IFT122: variants seen among roughly 807,000 people sequenced by gnomAD.
The protein encoded by IFT122 is intraflagellar transport protein 122 homolog.
Under a neutral mutation model 161.6 loss-of-function variants are expected in IFT122, and 118 were observed. The observed-to-expected ratio is 0.73, with a 90% confidence interval of 0.63 to 0.85. IFT122 has a LOEUF of 0.85. Ranked by LOEUF, IFT122 falls within the 40% of genes least tolerant of loss-of-function variation. IFT122 has a pLI of 0.00. For missense variants in IFT122, 1,381 were observed against 1,579.6 expected, an observed-to-expected ratio of 0.87 and a Z score of 2.13; for synonymous variants, 550 against 602.4, an observed-to-expected ratio of 0.91 and a Z score of 1.27.
chr3:129,458,598 G>A lies in IFT122; in HGVS notation c.194-1G>A. The A allele has an allele frequency of 6.2e-7, 1 of 1,613,554 alleles. No homozygotes were observed. The highest frequency in any genetic ancestry group is 2.2e-5 in the East Asian group (1 of 44,868). On this transcript the variant is annotated splice_acceptor_variant, in intron 3 of 29. Transcript: ENST00000348417. LOFTEE classifies it high-confidence loss of function. ...ACTTTCCATTTTACAAACACTTTTA[G>A]GCAAGCGCTTTGCTTCTGGATCAGC...
intron 14 of IFT122, among the ~76,000 whole-genome samples, chr3:129,481,974 A>G (rs534611185): frequency 2.0e-5 from 3 of 152,356 alleles, no homozygotes; most frequent in Non-Finnish European, 2.9e-5. Context: ...AGCGTTTACC[A>G]TGAACAAGAA....
chr3:129,450,075 A>G, intron 2 of IFT122, 138 bp downstream of exon 2: 2 of 691,104 alleles, frequency 2.9e-6, no homozygotes, highest in South Asian at 3.1e-5. Flanking sequence ...ACTTTTTAAT[A>G]GGGATGGAAA....
intron 8 of IFT122, among the ~76,000 whole-genome samples, 191 bp downstream of exon 8, chr3:129,467,257 A>C (rs534567294): frequency 3.9e-5 from 6 of 152,286 alleles, no homozygotes; most frequent in African/African-American, 1.4e-4. Context: ...TCCTGTGAGA[A>C]ACTATAGGAA....
chr3:129,481,574 G>A lies in IFT122; in HGVS notation c.1533G>A (p.Leu511=), dbSNP rs183614690. The A allele has an allele frequency of 2.9e-4, 466 of 1,580,530 alleles. 4 individuals are homozygous for A. In the East Asian group the frequency reaches 8.9e-3, roughly 30 times the overall value. Residue 511 remains leucine (L), a synonymous_variant, in exon 14 of 30, where the codon CTG becomes CTA. Transcript: ENST00000348417. ...ACAATCTCTTTGCTATCGTCCTGCT[G>A]AAGCAGGCCACAGCTGTGCGCTGCT... The part of the protein sequence containing the change: ...FVDNLFAIVL[L]KQATAVRCLD...
chr3:129,518,645 A>T (rs749092561), intron 27 of IFT122, among the ~76,000 whole-genome samples: 40 of 151,988 alleles, frequency 2.6e-4, no homozygotes, highest in Admixed American at 6.5e-4. Context: ...TCCCTGCAGG[A>T]CCCCTGCTGG....
intron 25 of IFT122, chr3:129,515,134 C>A (rs962121849): frequency 2.3e-6 from 1 of 431,260 alleles, no homozygotes; most frequent in Non-Finnish European, 4.3e-6. Context: ...AGTTGTGAGG[C>A]TAAATGAGCC....
At position 129,454,513 on chromosome 3, in the gene IFT122, T is replaced by TTTTGTG. The variant is rs367834133; in HGVS notation, c.193+2516_193+2517insTTGTGT. ...GTGTGCTGTACCATGGTAGTCATAT[T>TTTTGTG]TGTGTGTGTGTGTGTGTGTGTGTGT... is the stretch of plus-strand genomic sequence containing the variant. On this transcript the variant is annotated intron_variant, in intron 3 of 29. Coordinates refer to ENST00000348417, the MANE Select transcript of IFT122 (RefSeq NM_052989.3). 3.0e-3 allele frequency among the ~76,000 whole-genome samples: 394 copies of TTTTGTG among 131,276 alleles called. 7 individuals are homozygous for TTTTGTG. The East Asian group carries it at 0.043, about 14-fold the overall frequency. The allele number at this position is 131,276 out of a possible 152,430, so 86.1% of individuals were successfully genotyped here.
chr3:129,504,256 A>G, intron 20 of IFT122, 63 bp from the exon 21 acceptor site: 2 of 1,321,424 alleles, frequency 1.5e-6, no homozygotes, highest in Non-Finnish European at 1.1e-6. Context: ...TCAGCCAAGT[A>G]CAGTGTTTTC....
chr3:129,501,483 G>A (rs1293753689), intron 19 of IFT122, among the ~76,000 whole-genome samples: 1 of 152,172 alleles, frequency 6.6e-6, no homozygotes, highest in Non-Finnish European at 1.5e-5. Flanking sequence ...TTGTCCGATA[G>A]TAATTTTTTT....
chr3:129,516,139 C>A (rs1247096735), intron 26 of IFT122, among the ~76,000 whole-genome samples: 1 of 133,958 alleles, frequency 7.5e-6, no homozygotes, highest in Non-Finnish European at 1.6e-5. Flanking sequence ...ACAGAGACTG[C>A]CCCTGCACAC....
At chr3:129,467,259 C>T (rs964513510) in intron 8 of IFT122, among the ~76,000 whole-genome samples, 193 bp downstream of exon 8, 1 of 152,150 alleles carries the variant, frequency 6.6e-6, no homozygotes, top group African/African-American at 2.4e-5. Flanking sequence ...CTGTGAGAAA[C>T]TATAGGAAAT....
At chr3:129,440,426 C>T (rs534874339) in intron 1 of IFT122, 55 bp downstream of exon 1, 112 of 1,530,084 alleles carry the variant, frequency 7.3e-5, no homozygotes, top group Non-Finnish European at 9.4e-5. Context: ...GCGGGGAGTG[C>T]GCGAGCCGCT....
intron 16 of IFT122, among the ~76,000 whole-genome samples, chr3:129,490,909 T>A (rs2080004069): frequency 6.6e-6 from 1 of 152,200 alleles, no homozygotes; most frequent in Non-Finnish European, 1.5e-5. Flanking sequence ...CTCTGATGCC[T>A]CCCTTAACGC....
chr3:129,510,576 C>T (rs570436275), intron 23 of IFT122, among the ~76,000 whole-genome samples: 28 of 152,292 alleles, frequency 1.8e-4, no homozygotes, highest in Admixed American at 1.8e-3. Context: ...CTCACTTTGC[C>T]CAAGCCACTC....
At position 129,468,434 on chromosome 3, in the gene IFT122, C is replaced by T. The variant is rs13091493; in HGVS notation, c.741-908C>T. Among the ~76,000 whole-genome samples the T allele has an allele frequency of 6.5e-3, 988 of 152,146 alleles. 5 individuals are homozygous for T. The highest frequency in any genetic ancestry group is 0.01 in the Non-Finnish European group (706 of 68,008). On this transcript the variant is annotated intron_variant, in intron 8 of 29. Transcript: ENST00000348417. The stretch of plus-strand genomic sequence containing the variant: ...TCTCGGCTCACTGCAACTTCCGCCT[C>T]CCGGGTTCTAAGCGATTCTTGTGCC...
At chr3:129,458,451 C>G in intron 3 of IFT122, 148 bp from the exon 4 acceptor site, 1 of 695,438 alleles carries the variant, frequency 1.4e-6, no homozygotes, top group South Asian at 1.6e-5. Context: ...ATTCTGACTC[C>G]AAGGTCCTGC....
At chr3:129,461,412 A>T (rs1268619316) in intron 5 of IFT122, 108 bp downstream of exon 5, 6 of 825,646 alleles carry the variant, frequency 7.3e-6, no homozygotes. Context: ...AGTTAATACT[A>T]CTTCTCTACC....
intron 1 of IFT122, among the ~76,000 whole-genome samples, chr3:129,449,305 T>G (rs2074449245): frequency 2.6e-5 from 4 of 152,162 alleles, no homozygotes; most frequent in African/African-American, 9.7e-5. Context: ...ATGCTGCCAG[T>G]TACACTGAAA....
Position 129,499,996 on chromosome 3 carries a change from T to A in IFT122, c.2303T>A (p.Val768Glu). 1 of 1,614,238 alleles carries A rather than the reference T, an allele frequency of 6.2e-7. No homozygotes were observed. Among genetic ancestry groups the A allele is most frequent in the African/African-American group, 1.3e-5 (1 of 75,066 alleles). Residue 768 changes from valine (V) to glutamate (E), a missense_variant, in exon 19 of 30, where the codon GTG becomes GAG. Val to Glu is a moderately radical substitution (Grantham distance 121). Transcript: ENST00000348417. ...AATATCAAGGAGCCCAAAGCCGCCG[T>A]GGAGATGTACATCTCAGCAGGAGAG... ...ARNIKEPKAA[V>E]EMYISAGEHV...
Sources: allele counts gnomAD v4.1 joint callset (sites outside exome capture counted in the v4.1 genomes callset), GRCh38; gene constraint gnomAD v4.1.1; transcripts MANE v1.5; gene names NCBI Gene and HGNC (gene_info 2026-07-23, HGNC 2026-07-21).